Variants in PDE4D observed in about 807,000 individuals in gnomAD.
PDE4D encodes the protein 3',5'-cyclic-AMP phosphodiesterase 4D.
In PDE4D, 24 loss-of-function variants were observed where a neutral mutation model predicts 87.4. The ratio of observed to expected loss-of-function variants is 0.27; its 90% CI spans 0.20 to 0.39. The LOEUF (loss-of-function observed/expected upper bound fraction) is 0.39. Among genes scored for constraint, PDE4D ranks in the 10% least tolerant of loss-of-function variants. The probability of loss-of-function intolerance (pLI) is 1.00; values close to 1 mark genes in which losing one functional copy is unlikely to be tolerated. For missense variants in PDE4D, 714 were observed against 1,041.0 expected (o/e 0.69, Z 4.32); for synonymous variants, 384 against 383.2 (o/e 1.00, Z -0.02).
intron 2 of PDE4D, among the ~76,000 whole-genome samples, chr5:60,068,200 C>T (rs908492425): frequency 2.6e-5 from 4 of 152,146 alleles, no homozygotes; most frequent in African/African-American, 9.7e-5. Context: ...GCAAGGGTTC[C>T]AATTTCTGTA....
At chr5:59,757,515 T>C (rs1761422572) in intron 1 of PDE4D, among the ~76,000 whole-genome samples, 1 of 152,158 alleles carries the variant, frequency 6.6e-6, no homozygotes, top group African/African-American at 2.4e-5. Context: ...GCTGGCAAAG[T>C]GGAAATGGAA....
At chr5:59,298,856 G>A (rs1473595863) in intron 1 of PDE4D, among the ~76,000 whole-genome samples, 1 of 152,070 alleles carries the variant, frequency 6.6e-6, no homozygotes, top group East Asian at 1.9e-4. Context: ...ACATGTAACT[G>A]CACATCTGAT....
intron 1 of PDE4D, among the ~76,000 whole-genome samples, chr5:59,645,221 A>G (rs555832033): frequency 7.9e-5 from 12 of 152,126 alleles, no homozygotes; most frequent in Non-Finnish European, 1.8e-4. Context: ...TCTGTCTACC[A>G]CAGAGGTGGA....
chr5:59,334,262 T>G (rs1017026399), intron 1 of PDE4D, among the ~76,000 whole-genome samples: 4 of 143,188 alleles, frequency 2.8e-5, no homozygotes, highest in African/African-American at 1.0e-4. Flanking sequence ...TTTTTTTTTT[T>G]TTTTTTTTTT....
At chr5:59,191,188 G>GT (rs549056512) in intron 3 of PDE4D, among the ~76,000 whole-genome samples, 4 of 151,702 alleles carry the variant, frequency 2.6e-5, no homozygotes, top group South Asian at 4.2e-4. Context: ...AATTCCATTA[G>GT]TTTTTTTTCC....
At chr5:59,045,982 T>G (rs1760561701) in intron 5 of PDE4D, among the ~76,000 whole-genome samples, 1 of 152,236 alleles carries the variant, frequency 6.6e-6, no homozygotes, top group Non-Finnish European at 1.5e-5. Flanking sequence ...ATGTCAGGTA[T>G]GAACAGAAGG....
At chr5:59,219,144 T>A (rs1751913315) in intron 1 of PDE4D, among the ~76,000 whole-genome samples, 1 of 150,314 alleles carries the variant, frequency 6.7e-6, no homozygotes, top group South Asian at 2.1e-4. Context: ...TGTATACATA[T>A]GTATCTAACC....
intron 1 of PDE4D, among the ~76,000 whole-genome samples, chr5:60,349,072 T>C (rs1422336028): frequency 6.6e-6 from 1 of 152,140 alleles, no homozygotes; most frequent in Non-Finnish European, 1.5e-5. Context: ...AAATGTGATA[T>C]ACAGTGGAGC....
chr5:58,989,912 T>C lies in PDE4D; in HGVS notation c.1295A>G (p.Asp432Gly). ...TGGAATTTTAAATGTTTTTAATAAA[T>C]CCCGTTCCTGTAGGAAAAAAAATCA... ...VIMHTIFQER[D>G]LLKTFKIPVD... The change falls in exon 10 of 15, where the codon GAT becomes GGT. Residue 432 changes from aspartate to glycine, a missense_variant. Asp to Gly is a moderately conservative substitution (Grantham distance 94, BLOSUM62 -1). Transcript: ENST00000340635. 6.6e-7 allele frequency: 1 copy of C among 1,522,242 alleles called. No homozygotes were observed. Among genetic ancestry groups the C allele is most frequent in the Non-Finnish European group, 9.0e-7 (1 of 1,105,888 alleles). The allele number at this position is 1,522,242 out of a possible 1,614,324, so 94.3% of individuals were successfully genotyped here.
chr5:59,000,001 C>A (rs1750155765), intron 6 of PDE4D: 2 of 748,720 alleles, frequency 2.7e-6, no homozygotes, highest in Non-Finnish European at 3.3e-6. Context: ...AATTGCATTC[C>A]AGCTCTTAGC....
chr5:59,239,217 T>A (rs1757132966), intron 1 of PDE4D, among the ~76,000 whole-genome samples: 1 of 152,168 alleles, frequency 6.6e-6, no homozygotes, highest in African/African-American at 2.4e-5. Context: ...GCTTCAAACT[T>A]TAGTTGATAT....
At chr5:59,498,577 TAGAG>T (rs1392071056) in intron 1 of PDE4D, among the ~76,000 whole-genome samples, 1 of 151,612 alleles carries the variant, frequency 6.6e-6, no homozygotes. Flanking sequence ...AGTAAATGGA[TAGAG>T]AAAGATCTAT....
At chr5:60,270,379 A>G (rs950082249) in intron 1 of PDE4D, among the ~76,000 whole-genome samples, 7 of 152,222 alleles carry the variant, frequency 4.6e-5, no homozygotes, top group Non-Finnish European at 1.0e-4. Flanking sequence ...TAAATTAGTT[A>G]TTAATAATGA....
intron 1 of PDE4D, among the ~76,000 whole-genome samples, chr5:59,701,309 C>T (rs1381694798): frequency 6.6e-6 from 1 of 152,182 alleles, no homozygotes; most frequent in Admixed American, 6.5e-5. Flanking sequence ...AATCACGGCA[C>T]TCACTACACA....
At chr5:59,286,770 C>T (rs2153552471) in intron 1 of PDE4D, among the ~76,000 whole-genome samples, 1 of 152,246 alleles carries the variant, frequency 6.6e-6, no homozygotes, top group Middle Eastern at 3.4e-3. Flanking sequence ...ATGGACTTAC[C>T]TATTCTAGAT....
At position 60,479,585 on chromosome 5, in the gene PDE4D, C is replaced by T. The variant is rs1041481990; in HGVS notation, c.-90+8357G>A. 3.3e-5 allele frequency among the ~76,000 whole-genome samples: 5 copies of T among 152,174 alleles called. No homozygotes were observed. The East Asian group carries it at 5.8e-4, about 18-fold the overall frequency. ...TCTGTCCAATTTTAAAGCTCTAGAA[C>T]AGAGTTTGGTAAACTCTTTTGTAAA... On this transcript the variant is annotated intron_variant, in intron 1 of 16. Coordinates refer to the PDE4D transcript ENST00000502484.
chr5:60,036,033 G>A (rs1767756181), intron 2 of PDE4D, among the ~76,000 whole-genome samples: 2 of 152,140 alleles, frequency 1.3e-5, no homozygotes, highest in Non-Finnish European at 2.9e-5. Context: ...GTGAAACACT[G>A]AGTGATGTTT....
chr5:59,592,856 T>C (rs1826100941), intron 1 of PDE4D, among the ~76,000 whole-genome samples: 1 of 152,084 alleles, frequency 6.6e-6, no homozygotes, highest in South Asian at 2.1e-4. Context: ...TATTTTCAGG[T>C]TCTGCCTTTT....
At chr5:59,293,514 C>G in intron 1 of PDE4D, among the ~76,000 whole-genome samples, 2 of 152,178 alleles carry the variant, frequency 1.3e-5, no homozygotes, top group East Asian at 3.9e-4. Flanking sequence ...TTTAAAACTC[C>G]GATTCCCATT....
Sources: allele counts gnomAD v4.1 joint callset (sites outside exome capture counted in the v4.1 genomes callset), GRCh38; gene constraint gnomAD v4.1.1; transcripts MANE v1.5; gene names NCBI Gene and HGNC (gene_info 2026-07-23, HGNC 2026-07-21).